SEMA5A: variants seen among roughly 807,000 people sequenced by gnomAD.
SEMA5A encodes the protein semaphorin-5A.
In SEMA5A, 55 loss-of-function variants were observed where a neutral mutation model predicts 135.5. The ratio of observed to expected loss-of-function variants is 0.41; its 90% CI spans 0.33 to 0.51. SEMA5A has a LOEUF of 0.51. SEMA5A is among the 20% of genes least tolerant of loss of function. SEMA5A has a pLI of 0.37. For synonymous variants in SEMA5A, 580 were observed against 546.5 expected (o/e 1.06, Z -0.85); for missense variants, 1,290 against 1,419.9 (o/e 0.91, Z 1.47).
chr5:9,537,362 T>C (rs1192363773), intron 1 of SEMA5A, among the ~76,000 whole-genome samples: 2 of 152,210 alleles, frequency 1.3e-5, no homozygotes, highest in African/African-American at 4.8e-5. Flanking sequence ...TAATTAGTTA[T>C]CCTTGAAATC....
chr5:9,064,694 T>C (rs1378986585), intron 17 of SEMA5A, among the ~76,000 whole-genome samples: 2 of 152,034 alleles, frequency 1.3e-5, no homozygotes, highest in Non-Finnish European at 2.9e-5. Flanking sequence ...ACCACTGTAC[T>C]CCAGCCTGGG....
intron 16 of SEMA5A, among the ~76,000 whole-genome samples, chr5:9,104,196 C>T (rs1019612707): frequency 6.6e-6 from 1 of 152,108 alleles, no homozygotes; most frequent in Non-Finnish European, 1.5e-5. Flanking sequence ...CTTTCTCAGG[C>T]TGATTTTTTT....
intron 2 of SEMA5A, among the ~76,000 whole-genome samples, chr5:9,426,219 T>C (rs1333390863): frequency 1.3e-5 from 2 of 151,994 alleles, no homozygotes; most frequent in Admixed American, 1.3e-4. Flanking sequence ...GGGCAGATCA[T>C]GAGGTCAGGA....
chr5:9,351,095 G>C (rs1754093061), intron 3 of SEMA5A, among the ~76,000 whole-genome samples: 1 of 152,112 alleles, frequency 6.6e-6, no homozygotes, highest in Admixed American at 6.6e-5. Context: ...ACTTTATCAG[G>C]GCATTATGGT....
intron 11 of SEMA5A, among the ~76,000 whole-genome samples, chr5:9,166,752 A>G (rs2150297546): frequency 6.6e-6 from 1 of 152,330 alleles, no homozygotes; most frequent in East Asian, 1.9e-4. Flanking sequence ...TTACTTTTAA[A>G]ACAAGAGTGC....
In SEMA5A at chr5:9,122,760, G is replaced by T; in HGVS notation, c.1677C>A (p.Ala559=). ...WTPCTHTDGS[A]VGSCLCRTRS... is the part of the protein sequence containing the mutation. ...GGGTTCGACAGAGGCAGGATCCCAC[G>T]GCGCTGCCATCTGTGTGCGTGCAAG... Residue 559 remains alanine, a synonymous_variant, in exon 14 of 23, where the codon GCC becomes GCA. Coordinates refer to ENST00000382496, the MANE Select transcript of SEMA5A (RefSeq NM_003966.3). 6.2e-7 allele frequency: 1 copy of T among 1,613,624 alleles called. No individual in the cohort carries two copies.
At chr5:9,189,024 C>A (rs1744952147) in intron 11 of SEMA5A, among the ~76,000 whole-genome samples, 1 of 152,216 alleles carries the variant, frequency 6.6e-6, no homozygotes, top group African/African-American at 2.4e-5. Context: ...CTGTCCTTAC[C>A]TTACCTGACC....
At position 9,118,802 on chromosome 5, in the gene SEMA5A, A is replaced by G. The variant is rs73045648; in HGVS notation, c.1925+196T>C. Among the ~76,000 whole-genome samples the G allele has an allele frequency of 4.9e-3, 745 of 152,338 alleles. 6 individuals are homozygous for G. The highest frequency in any genetic ancestry group is 0.023 in the East Asian group (121 of 5,184). ...AGCCCAGCTGTGTAGGCACCAGAGC[A>G]GCCCAGTGATGCTGTCGACGAGGCT... is the stretch of plus-strand genomic sequence containing the variant. On this transcript the variant is annotated intron_variant, in intron 15 of 22. Transcript: ENST00000382496.
chr5:9,521,445 C>T (rs1157778792), intron 1 of SEMA5A, among the ~76,000 whole-genome samples: 1 of 152,048 alleles, frequency 6.6e-6, no homozygotes, highest in Non-Finnish European at 1.5e-5. Context: ...AATGAAATGT[C>T]TTTAAAAGTT....
intron 13 of SEMA5A, among the ~76,000 whole-genome samples, chr5:9,132,831 C>T (rs1741508440): frequency 6.6e-6 from 1 of 152,216 alleles, no homozygotes; most frequent in Admixed American, 6.5e-5. Context: ...ATGCAGCTTG[C>T]ACTTTTACAT....
intron 5 of SEMA5A, among the ~76,000 whole-genome samples, chr5:9,248,723 C>T (rs527471682): frequency 1.2e-4 from 19 of 152,096 alleles, no homozygotes; most frequent in South Asian, 6.2e-4. Context: ...GAAATATGAC[C>T]GTGGAGGCAG....
intron 3 of SEMA5A, among the ~76,000 whole-genome samples, chr5:9,352,099 G>GGA (rs1754147795): frequency 6.7e-6 from 1 of 148,538 alleles, no homozygotes; most frequent in South Asian, 2.2e-4. Context: ...CAGGTCGGGG[G>GGA]GGTTACTTAA....
At chr5:9,053,950 G>T in intron 19 of SEMA5A, 137 bp downstream of exon 19, 1 of 881,482 alleles carries the variant, frequency 1.1e-6, no homozygotes, top group Non-Finnish European at 1.7e-6. Context: ...TCACTTCAAG[G>T]GTAATAGCAT....
At chr5:9,399,774 T>C (rs904228388) in intron 2 of SEMA5A, among the ~76,000 whole-genome samples, 4 of 152,040 alleles carry the variant, frequency 2.6e-5, no homozygotes, top group African/African-American at 9.7e-5. Context: ...AACTTCTCAG[T>C]CTTGGGTAAG....
Position 9,526,587 on chromosome 5 carries a change from A to T in SEMA5A, c.-175+18997T>A, listed in dbSNP as rs995246718. Among the ~76,000 whole-genome samples, 10 of 152,342 alleles carry T rather than the reference A, an allele frequency of 6.6e-5. No homozygotes were observed. The South Asian group carries it at 2.1e-3, about 32-fold the overall frequency. ...AAAGGAAATGGTGTTACACTGCAGCAATTTCTTCTCATGAACTTGTTAGCT... is the reference window on the plus strand; with the variant it reads ...AAAGGAAATGGTGTTACACTGCAGCTATTTCTTCTCATGAACTTGTTAGCT... On this transcript the variant is annotated intron_variant, in intron 1 of 22. Coordinates refer to ENST00000382496, the MANE Select transcript of SEMA5A (RefSeq NM_003966.3).
chr5:9,391,087 A>G (rs1756139995), intron 2 of SEMA5A: 1 of 152,228 alleles, frequency 6.6e-6, no homozygotes. Flanking sequence ...GAGTCATGCT[A>G]GACACACAGG....
intron 9 of SEMA5A, among the ~76,000 whole-genome samples, chr5:9,197,523 C>T (rs1001755463): frequency 6.6e-6 from 1 of 152,196 alleles, no homozygotes; most frequent in Non-Finnish European, 1.5e-5. Context: ...GCATTTAACA[C>T]CTTGTAATCC....
At chr5:9,493,660 T>G (rs1340745906) in intron 1 of SEMA5A, among the ~76,000 whole-genome samples, 1 of 152,206 alleles carries the variant, frequency 6.6e-6, no homozygotes, top group Non-Finnish European at 1.5e-5. Flanking sequence ...AAGTCAATAG[T>G]GTTGTGTTTT....
At chr5:9,429,860 G>A (rs370168127) in intron 2 of SEMA5A, among the ~76,000 whole-genome samples, 3 of 152,206 alleles carry the variant, frequency 2.0e-5, no homozygotes, top group Non-Finnish European at 4.4e-5. Context: ...GGTGCCTGGC[G>A]CACCAAGGGA....
Sources: allele counts gnomAD v4.1 joint callset (sites outside exome capture counted in the v4.1 genomes callset), GRCh38; gene constraint gnomAD v4.1.1; transcripts MANE v1.5; gene names NCBI Gene and HGNC (gene_info 2026-07-23, HGNC 2026-07-21).